The following DYNC2H1 variants were observed in gnomAD, a reference collection of about 807,000 sequenced individuals.
DYNC2H1 encodes the protein dynein cytoplasmic 2 heavy chain 1, also known as cytoplasmic dynein 2 heavy chain 1.
DYNC2H1 carries 410 observed loss-of-function variants against 570.0 expected under a neutral mutation model. That is an observed-to-expected ratio of 0.72 (90% CI 0.66 to 0.78). DYNC2H1 has a LOEUF of 0.78. Among genes scored for constraint, DYNC2H1 ranks in the 30% least tolerant of loss-of-function variants. DYNC2H1 has a pLI of 0.00. For synonymous variants in DYNC2H1, 1,688 were observed against 1,677.6 expected, an observed-to-expected ratio of 1.01 and a Z score of -0.15; for missense variants, 4,865 against 5,046.4, an observed-to-expected ratio of 0.96 and a Z score of 1.09.
intron 84 of DYNC2H1, among the ~76,000 whole-genome samples, chr11:103,435,293 A>T (rs922365876): frequency 6.6e-6 from 1 of 152,090 alleles, no homozygotes; most frequent in Non-Finnish European, 1.5e-5. Flanking sequence ...GAAAAATAAT[A>T]TGTTGAGAAG....
intron 82 of DYNC2H1, among the ~76,000 whole-genome samples, chr11:103,356,960 A>G (rs1940375904): frequency 6.6e-6 from 1 of 152,182 alleles, no homozygotes; most frequent in African/African-American, 2.4e-5. Context: ...CATGCTGCAA[A>G]TGTTGAAGTT....
At chr11:103,365,717 C>T (rs926422054) in intron 83 of DYNC2H1, among the ~76,000 whole-genome samples, 6 of 152,184 alleles carry the variant, frequency 3.9e-5, no homozygotes, top group Admixed American at 1.3e-4. Flanking sequence ...TCTCTCTTTC[C>T]CCTTCAAAAG....
In DYNC2H1 at chr11:103,312,053, G is replaced by T; in HGVS notation, c.11649+20G>T. On this transcript the variant is annotated intron_variant, in intron 79 of 88. Coordinates refer to ENST00000375735, the MANE Select transcript of DYNC2H1 (RefSeq NM_001377.3). The stretch of plus-strand genomic sequence containing the variant: ...CCTCAGGTAAGTAAGAACATGTCTT[G>T]AATACATTCTAAGCTTTATATTTTT... The T allele has an allele frequency of 6.3e-6, 10 of 1,596,366 alleles. No individual in the cohort carries two copies. The highest frequency in any genetic ancestry group is 8.5e-6 in the Non-Finnish European group (10 of 1,174,608).
At position 103,422,985 on chromosome 11, in the gene DYNC2H1, G is replaced by A. The variant is rs896922818; in HGVS notation, c.12367-12958G>A. Among the ~76,000 whole-genome samples, 7 of 147,478 alleles carry A rather than the reference G, an allele frequency of 4.7e-5. No homozygotes were observed. The East Asian group carries it at 1.0e-3, about 21-fold the overall frequency. ...AGGAATACCTCTGCAGGATTTTTTT[G>A]TAAGTATTGGCAATTTGAGTCTATT... On this transcript the variant is annotated intron_variant, in intron 84 of 88. Transcript: ENST00000375735.
At chr11:103,234,282 A>G in intron 61 of DYNC2H1, 122 bp downstream of exon 61, 3 of 1,179,424 alleles carry the variant, frequency 2.5e-6, no homozygotes, top group Non-Finnish European at 3.5e-6. Flanking sequence ...AGGATAAATA[A>G]TCTGGATATA....
rs1403387762 is a variant in DYNC2H1 at position 103,129,506 on chromosome 11, AC to A, written c.1953+505del. On this transcript the variant is annotated intron_variant, in intron 13 of 88. Transcript: ENST00000375735. This position sits in a 1 kb window ranked among gnomAD's most constrained non-coding sequence, Gnocchi z 4.1. ...AGACCAGCCTGGCCAACATGGTGAA[AC>A]CCCATCTCAACTAAAAATACAAAAA... 2.6e-5 allele frequency among the ~76,000 whole-genome samples: 4 copies of A among 152,092 alleles called. No individual in the cohort carries two copies. In the East Asian group the frequency reaches 7.8e-4, roughly 29 times the overall value.
intron 69 of DYNC2H1, among the ~76,000 whole-genome samples, chr11:103,259,488 T>C (rs187653419): frequency 6.6e-6 from 1 of 152,290 alleles, no homozygotes; most frequent in East Asian, 1.9e-4. Flanking sequence ...GGTTCCCATA[T>C]TGAGAATGAG....
Position 103,199,414 on chromosome 11 carries a change from C to G in DYNC2H1, c.8026C>G (p.Leu2676Val), listed in dbSNP as rs1286751363. ...SLVSHMHGAV[L>V]FSPKISRGYE... ...AGTCAGTCACATGCATGGAGCGGTCCTGTTTTCTCCAAAGATTTCCAGAGG... is the reference window on the plus strand; with the variant it reads ...AGTCAGTCACATGCATGGAGCGGTCGTGTTTTCTCCAAAGATTTCCAGAGG... The change falls in exon 49 of 89, where the codon CTG becomes GTG. Residue 2676 changes from leucine to valine, a missense_variant. Leu to Val is a conservative substitution (Grantham distance 32). This residue lies in a region of DYNC2H1 where 2,401 missense variants were observed against 2,454.6 expected (regional missense o/e 0.98). Transcript: ENST00000375735. This position sits in a 1 kb window ranked among gnomAD's most constrained non-coding sequence, Gnocchi z 4.6. 3.1e-6 allele frequency: 5 copies of G among 1,612,332 alleles called. No individual in the cohort carries two copies. The African/African-American group carries it at 6.7e-5, about 22-fold the overall frequency.
intron 58 of DYNC2H1, 80 bp downstream of exon 58, chr11:103,222,233 T>G: frequency 9.8e-7 from 1 of 1,020,270 alleles, no homozygotes; most frequent in Non-Finnish European, 1.4e-6. Flanking sequence ...GCTTTGTCAT[T>G]GCCAACTGTT....
Position 103,188,591 on chromosome 11 carries a change from T to C in DYNC2H1, c.7235T>C (p.Leu2412Pro). 6.2e-7 allele frequency: 1 copy of C among 1,610,802 alleles called. No individual in the cohort carries two copies. The highest frequency in any genetic ancestry group is 8.5e-7 in the Non-Finnish European group (1 of 1,178,080). ...GCTTCTATGTCAGCTGGAGGAAGAC[T>C]GGGAAGACATAAACTTACTACCAGA... ...IVASMSAGGR[L>P]GRHKLTTRFT... Residue 2412 changes from leucine to proline, a missense_variant, in exon 44 of 89, where the codon CTG becomes CCG. By Grantham distance (98) the Leu-to-Pro change is moderately conservative. Around this residue, in one of 5 missense-constraint regions of DYNC2H1, gnomAD observed 2,401 missense variants for 2,454.6 expected, o/e 0.98. Coordinates refer to ENST00000375735, the MANE Select transcript of DYNC2H1 (RefSeq NM_001377.3).
rs11225721 is a variant in DYNC2H1, at chr11:103,334,583, T to C, written c.12039+10593T>C. Reference sequence around the variant, plus strand: ...TTAAAATAAATTCAAAGTTCAGTATTGGTATCTAATATGTAACATCAATAT... The same window carrying C: ...TTAAAATAAATTCAAAGTTCAGTATCGGTATCTAATATGTAACATCAATAT... On this transcript the variant is annotated intron_variant, in intron 82 of 88. Coordinates refer to ENST00000375735, the MANE Select transcript of DYNC2H1 (RefSeq NM_001377.3). This position sits in a 1 kb window ranked among gnomAD's most constrained non-coding sequence, Gnocchi z 4.3. Among the ~76,000 whole-genome samples, 37,201 of 151,962 alleles carry C rather than the reference T, an allele frequency of 0.24. 4,773 individuals carry two copies. The highest frequency in any genetic ancestry group is 0.32 in the Admixed American group (4,876 of 15,266).
Position 103,151,991 on chromosome 11 carries a change from A to G in DYNC2H1, c.2947-145A>G. 1.1e-6 allele frequency: 1 copy of G among 916,182 alleles called. No homozygotes were observed. The highest frequency in any genetic ancestry group is 1.6e-6 in the Non-Finnish European group (1 of 638,546). 56.8% of individuals were successfully genotyped at this position (916,182 alleles called of 1,614,324 possible). A position where few individuals can be genotyped will look rare whatever the true frequency, so the allele number is the denominator to read the frequency against. Reference sequence around the variant, plus strand: ...GAATTTTTTTCTGCCAAATCAGAATATATAGGAATTTAACAAACTGTTTAA... The same window carrying G: ...GAATTTTTTTCTGCCAAATCAGAATGTATAGGAATTTAACAAACTGTTTAA... On this transcript the variant is annotated intron_variant, in intron 20 of 88. Coordinates refer to ENST00000375735, the MANE Select transcript of DYNC2H1 (RefSeq NM_001377.3). The surrounding 1 kb of genome is among the most constrained non-coding windows in gnomAD (Gnocchi z 4.6).
At position 103,275,901 on chromosome 11, in the gene DYNC2H1, A is replaced by G. The variant is rs551345731; in HGVS notation, c.10696-4447A>G. 6.6e-6 allele frequency among the ~76,000 whole-genome samples: 1 copy of G among 152,206 alleles called. No individual in the cohort carries two copies. Among genetic ancestry groups the G allele is most frequent in the African/African-American group, 2.4e-5 (1 of 41,460 alleles). On this transcript the variant is annotated intron_variant, in intron 70 of 88. Transcript: ENST00000375735. This position sits in a 1 kb window ranked among gnomAD's most constrained non-coding sequence, Gnocchi z 4.8. ...TACCAAGGAAGGCAATTTCTGGATC[A>G]TATGGTAAGAATATGTTTTGTTTTG... is the stretch of plus-strand genomic sequence containing the variant.
chr11:103,354,594 T>C (rs1565521582), intron 82 of DYNC2H1, among the ~76,000 whole-genome samples: 1 of 152,116 alleles, frequency 6.6e-6, no homozygotes, highest in Non-Finnish European at 1.5e-5. Context: ...TTCTAGCTAA[T>C]GTCCATGGTT....
At chr11:103,113,778 C>T in intron 2 of DYNC2H1, 71 bp downstream of exon 2, 1 of 1,153,708 alleles carries the variant, frequency 8.7e-7, no homozygotes, top group South Asian at 2.0e-5. Flanking sequence ...ACATAAATAT[C>T]TATTTTTTAC....
At chr11:103,284,114 T>C (rs1401226490) in intron 73 of DYNC2H1, among the ~76,000 whole-genome samples, 1 of 152,132 alleles carries the variant, frequency 6.6e-6, no homozygotes, top group Non-Finnish European at 1.5e-5. Context: ...TCCCCACCAT[T>C]CCCCAGGTGA....
chr11:103,140,042 G>C (rs1489563502), intron 17 of DYNC2H1, among the ~76,000 whole-genome samples: 2 of 151,986 alleles, frequency 1.3e-5, no homozygotes, highest in African/African-American at 4.8e-5. Context: ...TGCAACCCCT[G>C]CCTTTTTTTG....
In DYNC2H1 at chr11:103,189,060, A is replaced by G. The variant is rs868718446; in HGVS notation, c.7292+412A>G. On this transcript the variant is annotated intron_variant, in intron 44 of 88. Transcript: ENST00000375735. This position sits in a 1 kb window ranked among gnomAD's most constrained non-coding sequence, Gnocchi z 4.3. ...GTCATTTTAATGGCTGGTGGCATCAATGCTAATCATCTCCACGGGCCATAA... is the reference window on the plus strand; with the variant it reads ...GTCATTTTAATGGCTGGTGGCATCAGTGCTAATCATCTCCACGGGCCATAA... 4.3e-4 allele frequency among the ~76,000 whole-genome samples: 65 copies of G among 152,210 alleles called. No homozygotes were observed. Among genetic ancestry groups the G allele is most frequent in the African/African-American group, 1.3e-3 (55 of 41,552 alleles).
chr11:103,455,807 C>T (rs975297865), intron 86 of DYNC2H1, among the ~76,000 whole-genome samples: 2 of 152,056 alleles, frequency 1.3e-5, no homozygotes, highest in Non-Finnish European at 2.9e-5. Context: ...CTTTTCTTAC[C>T]ACACTCAGAT....
Sources: gnomAD v4.1 joint callset for allele counts (sites outside exome capture counted in the v4.1 genomes callset) on GRCh38, gnomAD v4.1.1 for gene constraint, gnomAD v4.1.1 regional missense constraint, Gnocchi (gnomAD v3.1) non-coding constraint, MANE v1.5 for transcripts, NCBI Gene and HGNC (gene_info 2026-07-23, HGNC 2026-07-21) for gene names.